Variants in USH2A observed in about 807,000 individuals in gnomAD.
USH2A encodes Usher syndrome 2A (autosomal recessive, mild).
USH2A carries 443 observed loss-of-function variants against 538.9 expected under a neutral mutation model. That is an observed-to-expected ratio of 0.82 (90% CI 0.76 to 0.89). USH2A has a LOEUF of 0.89. USH2A is among the 40% of genes least tolerant of loss of function. The pLI is 0.00. For synonymous variants in USH2A, 2,413 were observed against 2,273.5 expected (o/e 1.06, Z -1.75); for missense variants, 6,633 against 6,324.8 (o/e 1.05, Z -1.65).
At chr1:216,276,982 T>C (rs1422926876) in intron 11 of USH2A, among the ~76,000 whole-genome samples, 1 of 152,132 alleles carries the variant, frequency 6.6e-6, no homozygotes, top group Non-Finnish European at 1.5e-5. Flanking sequence ...TATGATGTAA[T>C]GAATAATTTG....
At chr1:215,809,687 G>T (rs992531502) in intron 49 of USH2A, among the ~76,000 whole-genome samples, 17 of 151,922 alleles carry the variant, frequency 1.1e-4, no homozygotes, top group Non-Finnish European at 2.2e-4. Context: ...TTTACTTGGG[G>T]TTATTAGCAT....
At chr1:216,402,056 T>A (rs1435277236) in intron 3 of USH2A, among the ~76,000 whole-genome samples, 1 of 152,148 alleles carries the variant, frequency 6.6e-6, no homozygotes, top group South Asian at 2.1e-4. Context: ...GATTTATATG[T>A]GTATGCATCT....
At chr1:215,906,085 G>T (rs925760861) in intron 38 of USH2A, among the ~76,000 whole-genome samples, 1 of 151,980 alleles carries the variant, frequency 6.6e-6, no homozygotes, top group Non-Finnish European at 1.5e-5. Context: ...GGCAAGACTC[G>T]ATTTCCAGTC....
rs1656450113 is a variant in USH2A, at chr1:215,635,531, T to TTTTATTTTTTTA, written c.15053-829_15053-828insTAAAAAAATAAA. 2.1e-5 allele frequency among the ~76,000 whole-genome samples: 3 copies of TTTTATTTTTTTA among 142,068 alleles called. No individual in the cohort carries two copies. In the Admixed American group the frequency reaches 2.1e-4, roughly 10 times the overall value. 93.2% of individuals were successfully genotyped at this position (142,068 alleles called of 152,430 possible). On this transcript the variant is annotated intron_variant, in intron 69 of 71. Transcript: ENST00000307340. ...AGGGATGAAGGGTGGGTAGGATTAT[T>TTTTATTTTTTTA]TTTATTTATTTATTTATTTATTTAT...
intron 7 of USH2A, 92 bp downstream of exon 7, chr1:216,324,076 G>T: frequency 7.2e-7 from 1 of 1,390,926 alleles, no homozygotes; most frequent in South Asian, 1.3e-5. Flanking sequence ...TGGTGGTGAA[G>T]GGAAGTCTCC....
chr1:215,632,051 T>TTTTTGTTTTG (rs368845781), intron 70 of USH2A, among the ~76,000 whole-genome samples: 145 of 152,136 alleles, frequency 9.5e-4, no homozygotes, highest in African/African-American at 2.3e-3. Context: ...CAGACTTCTT[T>TTTTTGTTTTG]TTTTGTTTTG....
chr1:215,963,609 A>C (rs1667255726), intron 37 of USH2A, among the ~76,000 whole-genome samples: 1 of 152,138 alleles, frequency 6.6e-6, no homozygotes, highest in Non-Finnish European at 1.5e-5. Context: ...TATTACCAGC[A>C]GGAGATAAAT....
At chr1:215,979,993 GA>G (rs1205739015) in intron 35 of USH2A, among the ~76,000 whole-genome samples, 3 of 151,196 alleles carry the variant, frequency 2.0e-5, no homozygotes, top group Non-Finnish European at 3.0e-5. Flanking sequence ...TATAGTTTTA[GA>G]AGATGTTGAC....
chr1:216,146,662 AC>A (rs964980676), intron 21 of USH2A, among the ~76,000 whole-genome samples: 3 of 150,938 alleles, frequency 2.0e-5, no homozygotes, highest in Non-Finnish European at 3.0e-5. Context: ...TTATTTCCGC[AC>A]CCTGACCTCT....
At chr1:215,968,114 TTTAAAA>T in intron 36 of USH2A, among the ~76,000 whole-genome samples, 1 of 152,192 alleles carries the variant, frequency 6.6e-6, no homozygotes, top group Non-Finnish European at 1.5e-5. Flanking sequence ...AAGGAAAGCA[TTTAAAA>T]AGTTCCTGCT....
intron 3 of USH2A, among the ~76,000 whole-genome samples, chr1:216,392,847 A>G (rs1031352000): frequency 6.6e-5 from 10 of 152,194 alleles, no homozygotes; most frequent in African/African-American, 2.4e-4. Context: ...ATGTTGATTC[A>G]AAACCTTTTA....
chr1:216,078,387 G>A (rs2031827213), intron 26 of USH2A, 25 bp from the exon 27 acceptor site: 3 of 1,610,040 alleles, frequency 1.9e-6, no homozygotes, highest in South Asian at 1.1e-5. Context: ...AAAAAAGAAA[G>A]TAGGTATATA....
At chr1:215,678,555 T>C (rs1466798699) in intron 62 of USH2A, among the ~76,000 whole-genome samples, 1 of 152,260 alleles carries the variant, frequency 6.6e-6, no homozygotes, top group African/African-American at 2.4e-5. Context: ...GATATTCCAT[T>C]CTAAAATAGC....
chr1:216,231,047 G>C (rs1231732484), intron 14 of USH2A, among the ~76,000 whole-genome samples: 1 of 150,178 alleles, frequency 6.7e-6, no homozygotes, highest in Non-Finnish European at 1.5e-5. Context: ...TTTGAAAAAT[G>C]ATTTACTTTC....
chr1:216,019,015 G>C (rs970244264), intron 32 of USH2A, among the ~76,000 whole-genome samples: 1 of 151,998 alleles, frequency 6.6e-6, no homozygotes, highest in Non-Finnish European at 1.5e-5. Flanking sequence ...AAAGTATTTT[G>C]TTCTAGTTTG....
chr1:216,156,018 C>T (rs147113917), intron 21 of USH2A, among the ~76,000 whole-genome samples: 2 of 152,210 alleles, frequency 1.3e-5, no homozygotes, highest in Non-Finnish European at 2.9e-5. Flanking sequence ...AGGCTGTAAC[C>T]TCCACAGTGG....
At chr1:215,852,489 C>T (rs550105625) in intron 44 of USH2A, among the ~76,000 whole-genome samples, 11 of 152,272 alleles carry the variant, frequency 7.2e-5, no homozygotes, top group Admixed American at 7.2e-4. Context: ...TCCCAGATCT[C>T]ATGTCTTTAC....
intron 51 of USH2A, 122 bp downstream of exon 51, chr1:215,789,937 A>G: frequency 1.2e-6 from 1 of 864,096 alleles, no homozygotes; most frequent in South Asian, 1.5e-5. Flanking sequence ...TATGGATGTA[A>G]TGTGAAAATG....
chr1:215,851,642 C>G (rs1271192594), intron 44 of USH2A, among the ~76,000 whole-genome samples: 9 of 152,066 alleles, frequency 5.9e-5, no homozygotes, highest in African/African-American at 1.9e-4. Context: ...CATATTGACA[C>G]TATTCCAAAA....
Sources: allele counts gnomAD v4.1 joint callset (sites outside exome capture counted in the v4.1 genomes callset), GRCh38; gene constraint gnomAD v4.1.1; transcripts MANE v1.5; gene names NCBI Gene and HGNC (gene_info 2026-07-23, HGNC 2026-07-21).